GPR22: variants seen among roughly 807,000 people sequenced by gnomAD.
GPR22 encodes the protein G-protein coupled receptor 22.
In GPR22, 13 loss-of-function variants were observed where a neutral mutation model predicts 31.0. The ratio of observed to expected loss-of-function variants is 0.42; its 90% CI spans 0.27 to 0.67. The LOEUF (loss-of-function observed/expected upper bound fraction) is 0.67, where lower values mean the gene tolerates loss of function less well. Ranked by LOEUF, GPR22 falls within the 30% of genes least tolerant of loss-of-function variation. The pLI is 0.25. For synonymous variants in GPR22, 191 were observed against 173.4 expected (o/e 1.10, Z -0.80); for missense variants, 368 against 509.6 (o/e 0.72, Z 2.67).
Position 107,474,402 on chromosome 7 carries a change from T to C in GPR22, c.342T>C (p.Ile114=), listed in dbSNP as rs1229718644. 4.3e-6 allele frequency: 7 copies of C among 1,612,650 alleles called. No individual in the cohort carries two copies. The highest frequency in any genetic ancestry group is 1.3e-5 in the African/African-American group (1 of 74,874). Reference sequence around the variant, plus strand: ...CACTGGAGAGTAACACTGCTCTCATTTGCTGTTTCCATGAGGCTTGTGTAT... The same window carrying C: ...CACTGGAGAGTAACACTGCTCTCATCTGCTGTTTCCATGAGGCTTGTGTAT... ...LLSLESNTAL[I]CCFHEACVSF... The change falls in exon 3 of 3, where the codon ATT becomes ATC. Residue 114 remains isoleucine (I), a synonymous_variant. Transcript: ENST00000304402. The surrounding 1 kb of genome is among the most constrained non-coding windows in gnomAD (Gnocchi z 5.7).
downstream of GPR22, among the ~76,000 whole-genome samples, chr7:107,477,784 T>G (rs1797078527): frequency 6.6e-6 from 1 of 151,930 alleles, no homozygotes; most frequent in Non-Finnish European, 1.5e-5. Flanking sequence ...TCAGCTTAAA[T>G]GTGAGAATGA....
downstream of GPR22, among the ~76,000 whole-genome samples, chr7:107,477,473 C>T (rs1437468632): frequency 6.6e-6 from 1 of 151,558 alleles, no homozygotes; most frequent in Non-Finnish European, 1.5e-5. Flanking sequence ...CCTTCTTGTC[C>T]TCTGTAATAA....
At position 107,473,014 on chromosome 7, in the gene GPR22, G is replaced by A. The variant is rs961442991; in HGVS notation, c.-27+712G>A. 5.9e-5 allele frequency: 9 copies of A among 151,624 alleles called. No homozygotes were observed. The South Asian group carries it at 6.2e-4, about 11-fold the overall frequency. The allele number at this position is 151,624 out of a possible 1,614,324, so 9.4% of individuals were successfully genotyped here. On this transcript the variant is annotated intron_variant, in intron 2 of 2. Coordinates refer to ENST00000304402, the MANE Select transcript of GPR22 (RefSeq NM_005295.3). ...TAGATTTGCATGAATTAGCAAAAGC[G>A]TTTGTATTTTTTTTTAATTTTTCTT...
intron 2 of GPR22, chr7:107,472,615 TCA>T (rs1458070206): frequency 2.6e-5 from 4 of 151,990 alleles, no homozygotes; most frequent in Non-Finnish European, 5.9e-5. Context: ...TTATAGGATT[TCA>T]ATGTTAGCTA....
Position 107,470,283 on chromosome 7 carries a change from G to C in GPR22, c.-1120G>C, listed in dbSNP as rs1366555359. 2.6e-5 allele frequency: 4 copies of C among 152,218 alleles called. No individual in the cohort carries two copies. Among genetic ancestry groups the C allele is most frequent in the African/African-American group, 9.6e-5 (4 of 41,458 alleles). The allele number at this position is 152,218 out of a possible 1,614,324, so 9.4% of individuals were successfully genotyped here. A position where few individuals can be genotyped will look rare whatever the true frequency, so the allele number is the denominator to read the frequency against. On this transcript the variant is annotated 5_prime_UTR_variant, in exon 1 of 3. Transcript: ENST00000304402. ...TGTTCCATACATTAGCAGTACTGCT[G>C]AAACAATGGCACACTACAGACACAT...
chr7:107,470,257 A>G lies in GPR22; in HGVS notation c.-1146A>G, dbSNP rs1796556508. The G allele has an allele frequency of 6.6e-6, 1 of 152,194 alleles. No homozygotes were observed. Among genetic ancestry groups the G allele is most frequent in the East Asian group, 1.9e-4 (1 of 5,196 alleles). 9.4% of individuals were successfully genotyped at this position (152,194 alleles called of 1,614,324 possible). A position where few individuals can be genotyped will look rare whatever the true frequency, so the allele number is the denominator to read the frequency against. ...TGCAGCAGCCTCTAAGCAGCACTACATGTTCCATACATTAGCAGTACTGCT... is the reference window on the plus strand; with the variant it reads ...TGCAGCAGCCTCTAAGCAGCACTACGTGTTCCATACATTAGCAGTACTGCT... On this transcript the variant is annotated 5_prime_UTR_variant, in exon 1 of 3. An upstream start codon of the reference 5' UTR is lost. Coordinates refer to ENST00000304402, the MANE Select transcript of GPR22 (RefSeq NM_005295.3).
Position 107,474,328 on chromosome 7 carries a change from A to C in GPR22, c.268A>C (p.Ile90Leu), listed in dbSNP as rs1168819381. 1 of 1,612,058 alleles carries C rather than the reference A, an allele frequency of 6.2e-7. No homozygotes were observed. The highest frequency in any genetic ancestry group is 8.5e-7 in the Non-Finnish European group (1 of 1,178,310). The stretch of plus-strand genomic sequence containing the variant: ...AATGAATCTTCATGTACTTGATGTA[A>C]TAATTTGTGTGGGATGTATTCCTCT... ...ITMNLHVLDVIICVGCIPLTI... is the reference protein window; with the variant it reads ...ITMNLHVLDVLICVGCIPLTI... The change falls in exon 3 of 3, where the codon ATA (isoleucine) becomes CTA (leucine). Residue 90 changes from isoleucine (I) to leucine (L), a missense_variant. Physicochemically the swap from Ile to Leu is conservative, Grantham distance 5. Transcript: ENST00000304402. The surrounding 1 kb of genome is among the most constrained non-coding windows in gnomAD (Gnocchi z 5.7).
downstream of GPR22, among the ~76,000 whole-genome samples, chr7:107,476,183 T>TAAAAAAAAAAAAAAAAAAAAAAAA (rs1563056700): frequency 6.7e-4 from 58 of 86,446 alleles, 1 homozygote; most frequent in African/African-American, 1.2e-3. Flanking sequence ...TGCAATGATT[T>TAAAAAAAAAAAAAAAAAAAAAAAA]TAAAAAAAAA....
intron 1 of GPR22, among the ~76,000 whole-genome samples, chr7:107,470,701 T>G (rs982983105): frequency 7.2e-5 from 11 of 152,250 alleles, no homozygotes; most frequent in African/African-American, 2.6e-4. Context: ...ATATACTAAA[T>G]ATTCTTAATG....
downstream of GPR22, among the ~76,000 whole-genome samples, chr7:107,475,989 T>C (rs1426579894): frequency 4.0e-5 from 6 of 150,480 alleles, no homozygotes; most frequent in South Asian, 8.3e-4. Context: ...CACACCAAAA[T>C]AGAGAAACTT....
downstream of GPR22, among the ~76,000 whole-genome samples, chr7:107,476,255 C>T (rs1481070350): frequency 7.0e-6 from 1 of 142,478 alleles, no homozygotes; most frequent in Non-Finnish European, 1.5e-5. Flanking sequence ...TTCAACTCAG[C>T]TCTTTTGTAT....
chr7:107,474,796 T>A lies in GPR22; in HGVS notation c.736T>A (p.Phe246Ile), dbSNP rs1219866109. ...TCTTAATATTCGAATAGGCACAAGATTTTCAACAGGGCAGAAGAAGAAAGC... is the reference window on the plus strand; with the variant it reads ...TCTTAATATTCGAATAGGCACAAGAATTTCAACAGGGCAGAAGAAGAAAGC... ...QALNIRIGTR[F>I]STGQKKKARK... Residue 246 changes from phenylalanine to isoleucine, a missense_variant, in exon 3 of 3, where the codon TTT becomes ATT. Coordinates refer to ENST00000304402, the MANE Select transcript of GPR22 (RefSeq NM_005295.3). This position sits in a 1 kb window ranked among gnomAD's most constrained non-coding sequence, Gnocchi z 5.7. 1 of 1,612,570 alleles carries A rather than the reference T, an allele frequency of 6.2e-7. No homozygotes were observed. The highest frequency in any genetic ancestry group is 1.1e-5 in the South Asian group (1 of 90,924).
downstream of GPR22, among the ~76,000 whole-genome samples, chr7:107,476,537 C>T (rs1025483758): frequency 1.3e-5 from 2 of 151,620 alleles, no homozygotes; most frequent in Non-Finnish European, 3.0e-5. Context: ...TTCTCTCCCA[C>T]CCTCAATTCA....
chr7:107,471,315 ATT>A (rs1458503595), intron 1 of GPR22, 55 bp from the exon 2 acceptor site: 9 of 152,064 alleles, frequency 5.9e-5, no homozygotes, highest in Non-Finnish European at 1.0e-4. Flanking sequence ...GTAACTTGCA[ATT>A]AATTACAAAT....
At chr7:107,472,943 G>A (rs190259561) in intron 2 of GPR22, 1 of 151,818 alleles carries the variant, frequency 6.6e-6, no homozygotes, top group Admixed American at 6.6e-5. Context: ...CAGAACATTA[G>A]ACATTATTTT....
intron 1 of GPR22, among the ~76,000 whole-genome samples, chr7:107,471,047 T>C (rs906557881): frequency 2.0e-5 from 3 of 152,066 alleles, no homozygotes; most frequent in Non-Finnish European, 4.4e-5. Flanking sequence ...GTTTAGTGTA[T>C]GCTAATTGTT....
At chr7:107,475,869 T>C (rs1009570724), downstream of GPR22, among the ~76,000 whole-genome samples, 4 of 151,682 alleles carry the variant, frequency 2.6e-5, no homozygotes, top group African/African-American at 9.7e-5. Context: ...TTGCTATATT[T>C]GATGCATCAC....
chr7:107,473,691 C>T (rs1421428395), intron 2 of GPR22, among the ~76,000 whole-genome samples: 1 of 151,868 alleles, frequency 6.6e-6, no homozygotes, highest in Non-Finnish European at 1.5e-5. Flanking sequence ...AGACACTGGG[C>T]TGAAATTAAT....
chr7:107,472,769 T>C (rs1426080532), intron 2 of GPR22: 2 of 151,952 alleles, frequency 1.3e-5, no homozygotes, highest in Admixed American at 1.3e-4. Context: ...TTGTCAAATA[T>C]AACATTAAGT....
Sources: allele counts gnomAD v4.1 joint callset (sites outside exome capture counted in the v4.1 genomes callset), GRCh38; gene constraint gnomAD v4.1.1; non-coding constraint Gnocchi (gnomAD v3.1); transcripts MANE v1.5; gene names NCBI Gene and HGNC (gene_info 2026-07-23, HGNC 2026-07-21).